The following LRP1B variants were observed in gnomAD, a reference collection of about 807,000 sequenced individuals.
LRP1B encodes LDL receptor related protein 1B, also known as low-density lipoprotein receptor-related protein 1B.
LRP1B carries 217 observed loss-of-function variants against 556.6 expected under a neutral mutation model. The ratio of observed to expected loss-of-function variants is 0.39; its 90% CI spans 0.35 to 0.44. The LOEUF is 0.44. LRP1B is among the 20% of genes least tolerant of loss of function. The pLI, the probability that LRP1B is intolerant of heterozygous loss-of-function variation, is 1.00. For missense variants in LRP1B, 5,053 were observed against 5,620.8 expected (o/e 0.90, Z 3.23); for synonymous variants, 2,047 against 1,865.8 (o/e 1.10, Z -2.50).
Position 140,249,045 on chromosome 2 carries a change from GAA to G in LRP1B, c.13248-1885_13248-1884del, listed in dbSNP as rs5834726. On this transcript the variant is annotated intron_variant, in intron 86 of 90. Transcript: ENST00000389484. Reference sequence around the variant, plus strand: ...GCTTTATACATTATCTCATTTAAAAGAAAAAAAAAACTAAATCAGGTTCATCT... The same window carrying G: ...GCTTTATACATTATCTCATTTAAAAGAAAAAAAACTAAATCAGGTTCATCT... Among the ~76,000 whole-genome samples, 448 of 150,264 alleles carry G rather than the reference GAA, an allele frequency of 3.0e-3. 3 individuals carry two copies. The highest frequency in any genetic ancestry group is 1.0e-2 in the African/African-American group (409 of 41,024).
chr2:141,015,777 G>T lies in LRP1B; in HGVS notation c.2109C>A (p.Asp703Glu). ...ACCAGTATAATGTGTTGGTGTGAAA[G>T]TCCAGAGTTAAACCGTTTGGCCACA... ...KMLWPNGLTL[D>E]FHTNTLYWCD... is the part of the protein sequence containing the mutation. The change falls in exon 13 of 91, where the codon GAC becomes GAA. Residue 703 changes from aspartate to glutamate, a missense_variant. Asp to Glu is a conservative substitution (Grantham distance 45, BLOSUM62 2). This residue lies in a region of LRP1B where 3,619 missense variants were observed against 3,931.9 expected (regional missense o/e 0.92). Coordinates refer to ENST00000389484, the MANE Select transcript of LRP1B (RefSeq NM_018557.3). 6.2e-7 allele frequency: 1 copy of T among 1,613,442 alleles called. No homozygotes were observed. Among genetic ancestry groups the T allele is most frequent in the Non-Finnish European group, 8.5e-7 (1 of 1,179,710 alleles).
chr2:142,065,818 T>TA (rs1156930726), intron 1 of LRP1B, among the ~76,000 whole-genome samples: 2 of 151,494 alleles, frequency 1.3e-5, no homozygotes, highest in East Asian at 3.9e-4. Flanking sequence ...AAAACTTATT[T>TA]AAATCTCATC....
intron 7 of LRP1B, among the ~76,000 whole-genome samples, chr2:141,071,137 C>T (rs1474687702): frequency 1.1e-4 from 16 of 151,546 alleles, no homozygotes; most frequent in African/African-American, 3.4e-4. Context: ...TCCAGCAGCA[C>T]ATCAAAAAGC....
chr2:141,411,848 A>G (rs1426186185), intron 3 of LRP1B, among the ~76,000 whole-genome samples: 1 of 152,142 alleles, frequency 6.6e-6, no homozygotes, highest in Non-Finnish European at 1.5e-5. Flanking sequence ...GCTAGAATGT[A>G]TTGATTTGTT....
chr2:140,347,103 G>T (rs941288355), intron 77 of LRP1B, among the ~76,000 whole-genome samples: 3 of 151,646 alleles, frequency 2.0e-5, no homozygotes, highest in East Asian at 3.9e-4. Flanking sequence ...ACTTTATAGT[G>T]CTTCCCCTCA....
At chr2:141,773,348 G>A (rs1265697363) in intron 2 of LRP1B, among the ~76,000 whole-genome samples, 1 of 152,162 alleles carries the variant, frequency 6.6e-6, no homozygotes, top group African/African-American at 2.4e-5. Context: ...AACCCTTACT[G>A]CCCTAGATTT....
chr2:140,973,838 CAGA>C (rs1335551778), intron 18 of LRP1B, among the ~76,000 whole-genome samples: 3 of 152,070 alleles, frequency 2.0e-5, no homozygotes, highest in Non-Finnish European at 4.4e-5. Context: ...TATATTTCTG[CAGA>C]AGATCTCCAA....
chr2:140,538,454 G>C (rs1234118328), intron 45 of LRP1B, among the ~76,000 whole-genome samples: 2 of 152,024 alleles, frequency 1.3e-5, no homozygotes, highest in Non-Finnish European at 2.9e-5. Context: ...TTAGCTCCCA[G>C]TTATAAATTA....
At chr2:140,796,272 TA>T (rs769619618) in intron 32 of LRP1B, among the ~76,000 whole-genome samples, 9 of 152,074 alleles carry the variant, frequency 5.9e-5, no homozygotes, top group Non-Finnish European at 1.2e-4. Context: ...CCATTTATGT[TA>T]ATAAGACCAT....
intron 49 of LRP1B, among the ~76,000 whole-genome samples, chr2:140,525,149 G>T (rs1690374542): frequency 6.6e-6 from 1 of 151,832 alleles, no homozygotes; most frequent in African/African-American, 2.4e-5. Flanking sequence ...TGTAGCAGCA[G>T]GGTGGAGAGA....
chr2:140,487,295 A>G (rs950723727), intron 58 of LRP1B, among the ~76,000 whole-genome samples: 7 of 151,912 alleles, frequency 4.6e-5, no homozygotes, highest in African/African-American at 1.7e-4. Flanking sequence ...CTTTTATTTA[A>G]ATCAACAGAA....
At chr2:141,566,629 T>G (rs1255860918) in intron 2 of LRP1B, among the ~76,000 whole-genome samples, 1 of 152,212 alleles carries the variant, frequency 6.6e-6, no homozygotes, top group Non-Finnish European at 1.5e-5. Flanking sequence ...AACCTCTCTT[T>G]GTTTTAATTT....
rs79712042 is a variant in LRP1B at position 140,962,666 on chromosome 2, T to C, written c.2888-10726A>G. On this transcript the variant is annotated intron_variant, in intron 18 of 90. Coordinates refer to ENST00000389484, the MANE Select transcript of LRP1B (RefSeq NM_018557.3). ...CAGGCCTGCTCAAATTCTAGAAAGA[T>C]TTCATCAAAGCAATGAGCAGCCACC... Among the ~76,000 whole-genome samples, 614 of 152,256 alleles carry C rather than the reference T, an allele frequency of 4.0e-3. 3 individuals are homozygous for C. The highest frequency in any genetic ancestry group is 0.014 in the African/African-American group (594 of 41,550).
intron 7 of LRP1B, among the ~76,000 whole-genome samples, chr2:141,142,497 T>G (rs1017420762): frequency 6.6e-6 from 1 of 152,222 alleles, no homozygotes; most frequent in African/African-American, 2.4e-5. Context: ...ATAGTACTAA[T>G]ACCAGAAAAT....
intron 3 of LRP1B, among the ~76,000 whole-genome samples, chr2:141,329,656 A>ACAAAACAAAAC (rs1687567629): frequency 4.9e-5 from 2 of 40,736 alleles, no homozygotes; most frequent in African/African-American, 1.7e-4. Flanking sequence ...AAAAAAAAAA[A>ACAAAACAAAAC]AAAAAAAAAC....
intron 2 of LRP1B, among the ~76,000 whole-genome samples, chr2:141,502,204 G>A (rs1327350981): frequency 2.0e-5 from 3 of 152,104 alleles, no homozygotes; most frequent in African/African-American, 7.2e-5. Context: ...CAAATATTCT[G>A]TAAGAATCAA....
At chr2:142,012,852 G>A (rs772718919) in intron 1 of LRP1B, among the ~76,000 whole-genome samples, 2 of 152,242 alleles carry the variant, frequency 1.3e-5, no homozygotes, top group African/African-American at 2.4e-5. Flanking sequence ...TGTAAGATGC[G>A]ATGTGGTCAT....
At chr2:141,104,300 G>T (rs1209417425) in intron 7 of LRP1B, among the ~76,000 whole-genome samples, 1 of 151,926 alleles carries the variant, frequency 6.6e-6, no homozygotes, top group African/African-American at 2.4e-5. Context: ...GCAAAAAGTT[G>T]GGTAGGGGGA....
chr2:141,247,337 C>A lies in LRP1B; in HGVS notation c.481G>T (p.Val161Phe), dbSNP rs748480335. ...RSCKDQDECA[V>F]YGTCSQTCRN... is the part of the protein sequence containing the mutation. ...CAGGTCTGGCTGCATGTACCATAAA[C>A]AGCACATTCATCTTGATCTAAAAAG... Residue 161 changes from valine (V) to phenylalanine (F), a missense_variant, in exon 5 of 91, where the codon GTT becomes TTT. Val to Phe is a conservative substitution (Grantham distance 50). Around this residue, in one of 5 missense-constraint regions of LRP1B, gnomAD observed 3,619 missense variants for 3,931.9 expected, o/e 0.92. Transcript: ENST00000389484. 2.2e-5 allele frequency: 35 copies of A among 1,613,560 alleles called. No individual in the cohort carries two copies. In the Admixed American group the frequency reaches 3.8e-4, roughly 18 times the overall value.
Sources: allele counts gnomAD v4.1 joint callset (sites outside exome capture counted in the v4.1 genomes callset), GRCh38; gene constraint gnomAD v4.1.1; regional missense constraint gnomAD v4.1.1; transcripts MANE v1.5; gene names NCBI Gene and HGNC (gene_info 2026-07-23, HGNC 2026-07-21).